The following PTPRK variants were observed in gnomAD, a reference collection of about 807,000 sequenced individuals.
The protein encoded by PTPRK is protein tyrosine phosphatase receptor type K.
In PTPRK, 75 loss-of-function variants were observed where a neutral mutation model predicts 178.0. The observed-to-expected ratio is 0.42, with a 90% CI of 0.35 to 0.51. PTPRK has a LOEUF of 0.51. Among genes scored for constraint, PTPRK ranks in the 20% least tolerant of loss-of-function variants. The pLI, the probability that PTPRK is intolerant of heterozygous loss-of-function variation, is 0.02. For synonymous variants in PTPRK, 637 were observed against 620.6 expected (o/e 1.03, Z -0.39); for missense variants, 1,441 against 1,797.8 (o/e 0.80, Z 3.59).
At chr6:128,123,151 A>G (rs1039026057) in intron 7 of PTPRK, among the ~76,000 whole-genome samples, 1 of 152,198 alleles carries the variant, frequency 6.6e-6, no homozygotes, top group African/African-American at 2.4e-5. Flanking sequence ...TGAGAAGATG[A>G]AAGCAGAGAT....
chr6:128,288,488 T>C (rs1822867816), intron 3 of PTPRK, among the ~76,000 whole-genome samples: 1 of 152,144 alleles, frequency 6.6e-6, no homozygotes, highest in African/African-American at 2.4e-5. Flanking sequence ...TCCTAGAATT[T>C]CCATAGTGAT....
At chr6:128,510,707 C>T (rs1012270795) in intron 1 of PTPRK, among the ~76,000 whole-genome samples, 5 of 152,132 alleles carry the variant, frequency 3.3e-5, no homozygotes, top group African/African-American at 7.2e-5. Flanking sequence ...CATTCACAGA[C>T]ATATTATCAC....
chr6:128,231,831 T>C (rs77570730), intron 5 of PTPRK, among the ~76,000 whole-genome samples: 2 of 152,202 alleles, frequency 1.3e-5, no homozygotes, highest in East Asian at 3.9e-4. Flanking sequence ...AAATAAACTC[T>C]GAGAAAATGT....
rs564033505 is a variant in PTPRK, at chr6:128,299,717, T to C, written c.495+22322A>G. On this transcript the variant is annotated intron_variant, in intron 3 of 29. Transcript: ENST00000368226. ...CCTTCCTTACACCTTATACAAACATTAATTCAAGATGGATTAAAGACTTAA... is the reference window on the plus strand; with the variant it reads ...CCTTCCTTACACCTTATACAAACATCAATTCAAGATGGATTAAAGACTTAA... Among the ~76,000 whole-genome samples the C allele has an allele frequency of 2.6e-5, 4 of 152,180 alleles. No homozygotes were observed. The East Asian group carries it at 7.8e-4, about 30-fold the overall frequency.
At chr6:128,168,816 T>C (rs544114863) in intron 7 of PTPRK, among the ~76,000 whole-genome samples, 1 of 152,142 alleles carries the variant, frequency 6.6e-6, no homozygotes, top group South Asian at 2.1e-4. Context: ...TTATTCACAA[T>C]AGCCAAGATA....
intron 13 of PTPRK, among the ~76,000 whole-genome samples, chr6:128,019,955 C>T (rs111381275): frequency 0.038 from 5,830 of 152,090 alleles, 264 homozygotes; most frequent in African/African-American, 0.1. Context: ...CTTTAAGTAC[C>T]TTGTCTATGT....
chr6:128,408,319 C>T (rs764106676), intron 1 of PTPRK, among the ~76,000 whole-genome samples: 5 of 152,022 alleles, frequency 3.3e-5, no homozygotes, highest in African/African-American at 7.2e-5. Flanking sequence ...ACCCAGGAGG[C>T]GGAGGTTACA....
intron 16 of PTPRK, 123 bp from the exon 17 acceptor site, chr6:127,997,111 T>A: frequency 1.1e-6 from 1 of 931,386 alleles, no homozygotes; most frequent in Non-Finnish European, 1.6e-6. Flanking sequence ...CCTACAGTAG[T>A]AAACAAGTTT....
At chr6:128,037,403 T>C (rs560024376) in intron 13 of PTPRK, among the ~76,000 whole-genome samples, 4 of 148,620 alleles carry the variant, frequency 2.7e-5, no homozygotes, top group Non-Finnish European at 4.4e-5. Flanking sequence ...CACAAAAGTA[T>C]GATGCAAATA....
At chr6:128,464,639 A>ATATATATATATATATT (rs59665195) in intron 1 of PTPRK, among the ~76,000 whole-genome samples, 1 of 4,490 alleles carries the variant, frequency 2.2e-4, no homozygotes, top group East Asian at 2.2e-3. Flanking sequence ...ATATATACAC[A>ATATATATATATATATT]TATATATATA....
chr6:128,327,473 T>A (rs896017798), intron 2 of PTPRK, among the ~76,000 whole-genome samples: 1 of 152,296 alleles, frequency 6.6e-6, no homozygotes, highest in African/African-American at 2.4e-5. Flanking sequence ...CCACTTCTCT[T>A]CACAAACCAC....
intron 13 of PTPRK, among the ~76,000 whole-genome samples, chr6:128,047,668 T>A (rs928387225): frequency 6.6e-6 from 1 of 152,198 alleles, no homozygotes; most frequent in Non-Finnish European, 1.5e-5. Flanking sequence ...TACATGAACT[T>A]TAAGTGCTTT....
intron 1 of PTPRK, among the ~76,000 whole-genome samples, chr6:128,433,884 G>A (rs1845176287): frequency 6.8e-6 from 1 of 146,328 alleles, no homozygotes; most frequent in African/African-American, 2.6e-5. Flanking sequence ...ATACTAAGAA[G>A]ATACTTGAGC....
intron 13 of PTPRK, among the ~76,000 whole-genome samples, chr6:128,060,775 TA>T (rs1780672118): frequency 6.6e-6 from 1 of 152,198 alleles, no homozygotes; most frequent in Non-Finnish European, 1.5e-5. Flanking sequence ...GTTACTAAAA[TA>T]AAGTCTTAGC....
intron 3 of PTPRK, 139 bp from the exon 4 acceptor site, chr6:128,242,741 T>TA: frequency 7.8e-7 from 1 of 1,289,382 alleles, no homozygotes; most frequent in Non-Finnish European, 1.0e-6. Context: ...ATAATGTAAG[T>TA]AATTTCCTAA....
At chr6:128,247,466 C>T (rs897606601) in intron 3 of PTPRK, among the ~76,000 whole-genome samples, 1 of 152,096 alleles carries the variant, frequency 6.6e-6, no homozygotes, top group African/African-American at 2.4e-5. Flanking sequence ...ATTATAGGCA[C>T]ATGCCACCAC....
intron 1 of PTPRK, among the ~76,000 whole-genome samples, chr6:128,466,506 G>C (rs1247922730): frequency 6.6e-6 from 1 of 152,176 alleles, no homozygotes; most frequent in African/African-American, 2.4e-5. Context: ...GGTAACAACT[G>C]TAAGTAGATG....
At chr6:128,385,688 C>T (rs574799860) in intron 2 of PTPRK, among the ~76,000 whole-genome samples, 23 of 152,314 alleles carry the variant, frequency 1.5e-4, no homozygotes, top group African/African-American at 4.8e-4. Context: ...GTGGTTTCTG[C>T]ATTCCTCCCA....
At chr6:128,289,555 A>G (rs115590759) in intron 3 of PTPRK, among the ~76,000 whole-genome samples, 1,906 of 152,272 alleles carry the variant, frequency 0.013, 40 homozygotes, top group African/African-American at 0.044. Context: ...TTAAAAAATC[A>G]TATTTTTAAT....
Sources: allele counts gnomAD v4.1 joint callset (sites outside exome capture counted in the v4.1 genomes callset), GRCh38; gene constraint gnomAD v4.1.1; transcripts MANE v1.5; gene names NCBI Gene and HGNC (gene_info 2026-07-23, HGNC 2026-07-21).